Variants in FBRSL1 observed in about 807,000 individuals in gnomAD.
The protein encoded by FBRSL1 is fibrosin-1-like protein.
Under a neutral mutation model 89.6 loss-of-function variants are expected in FBRSL1, and 51 were observed. That is an observed-to-expected ratio of 0.57 (90% CI 0.45 to 0.72). FBRSL1 has a LOEUF of 0.72. FBRSL1 is among the 30% of genes least tolerant of loss of function. The pLI, the probability that FBRSL1 is intolerant of heterozygous loss-of-function variation, is 0.00. For synonymous variants in FBRSL1, 779 were observed against 681.1 expected, an observed-to-expected ratio of 1.14 and a Z score of -2.24; for missense variants, 1,618 against 1,451.8, an observed-to-expected ratio of 1.11 and a Z score of -1.86.
At chr12:132,507,935 C>A (rs1401571857) in intron 1 of FBRSL1, among the ~76,000 whole-genome samples, 3 of 152,280 alleles carry the variant, frequency 2.0e-5, no homozygotes, top group Middle Eastern at 3.4e-3. Context: ...GATGGCTGAG[C>A]CCTGGGAAAC....
Position 132,544,937 on chromosome 12 carries a change from T to C in FBRSL1, c.616-3066T>C, listed in dbSNP as rs541451165. ...ACTGACTATATATCAAGCACTGCCT[T>C]AGTGCTTTGCACATATTCACTTATT... On this transcript the variant is annotated intron_variant, in intron 4 of 18. Coordinates refer to ENST00000680143, the MANE Select transcript of FBRSL1 (RefSeq NM_001367871.1). 3.3e-5 allele frequency among the ~76,000 whole-genome samples: 5 copies of C among 152,330 alleles called. No homozygotes were observed. The East Asian group carries it at 7.7e-4, about 23-fold the overall frequency.
chr12:132,559,990 G>C (rs2137598341), intron 5 of FBRSL1: 1 of 147,940 alleles, frequency 6.8e-6, no homozygotes, highest in South Asian at 1.8e-4. Context: ...GCCGCCTCGG[G>C]GCCCGCGCCG....
At chr12:132,501,868 C>T (rs1160980992) in intron 1 of FBRSL1, among the ~76,000 whole-genome samples, 1 of 152,250 alleles carries the variant, frequency 6.6e-6, no homozygotes, top group East Asian at 1.9e-4. Flanking sequence ...GCCCAGATCT[C>T]TGCTCACAGG....
intron 1 of FBRSL1, among the ~76,000 whole-genome samples, chr12:132,501,707 CA>C (rs1476747696): frequency 2.6e-5 from 4 of 152,198 alleles, no homozygotes; most frequent in Non-Finnish European, 5.9e-5. Context: ...GGGGCCAGGA[CA>C]GGGGCCTCTG....
rs1304843709 is a variant in FBRSL1 at position 132,582,121 on chromosome 12, C to T, written c.2056C>T (p.Pro686Ser). 6.5e-7 allele frequency: 1 copy of T among 1,549,944 alleles called. No homozygotes were observed. Among genetic ancestry groups the T allele is most frequent in the East Asian group, 2.4e-5 (1 of 40,904 alleles). Residue 686 changes from proline to serine, a missense_variant, in exon 18 of 19, where the codon CCC becomes TCC. Pro to Ser is a moderately conservative substitution (Grantham distance 74, BLOSUM62 -1). Coordinates refer to ENST00000680143, the MANE Select transcript of FBRSL1 (RefSeq NM_001367871.1). ...EGSSVHGLPS[P>S]HEAWNRLHRA... Reference sequence around the variant, plus strand: ...CTCCTCCGTGCACGGCCTGCCCAGCCCCCATGAGGCCTGGAACCGACTGCA... The same window carrying T: ...CTCCTCCGTGCACGGCCTGCCCAGCTCCCATGAGGCCTGGAACCGACTGCA...
At chr12:132,506,481 A>G (rs1431929912) in intron 1 of FBRSL1, among the ~76,000 whole-genome samples, 1 of 152,212 alleles carries the variant, frequency 6.6e-6, no homozygotes, top group Non-Finnish European at 1.5e-5. Context: ...CTCTTTGCCC[A>G]GTAGAAAGAC....
At chr12:132,502,542 C>G (rs2033118874) in intron 1 of FBRSL1, among the ~76,000 whole-genome samples, 1 of 152,156 alleles carries the variant, frequency 6.6e-6, no homozygotes, top group Admixed American at 6.5e-5. Flanking sequence ...CCCAGTCGGG[C>G]TGGTCAGAGG....
At chr12:132,578,366 C>CACACACACACACACACACAA (rs1257586074) in intron 15 of FBRSL1, among the ~76,000 whole-genome samples, 1 of 151,936 alleles carries the variant, frequency 6.6e-6, no homozygotes, top group Non-Finnish European at 1.5e-5. Context: ...CACACACACA[C>CACACACACACACACACACAA]AAAATCATAG....
At chr12:132,518,778 C>G (rs2035083644) in intron 2 of FBRSL1, among the ~76,000 whole-genome samples, 1 of 151,590 alleles carries the variant, frequency 6.6e-6, no homozygotes, top group South Asian at 2.1e-4. Context: ...ATCCATCCAC[C>G]CATCTACCTG....
intron 4 of FBRSL1, among the ~76,000 whole-genome samples, chr12:132,541,555 G>C (rs1049840706): frequency 6.6e-6 from 1 of 152,244 alleles, no homozygotes; most frequent in Non-Finnish European, 1.5e-5. Flanking sequence ...GTGGAGCCTG[G>C]GCTAAGCCCA....
chr12:132,576,714 A>G, intron 14 of FBRSL1, 85 bp from the exon 15 acceptor site: 1 of 1,460,632 alleles, frequency 6.8e-7, no homozygotes, highest in East Asian at 2.5e-5. Context: ...GCTCACACCC[A>G]GTCCCTGTGG....
intron 5 of FBRSL1, 22 bp from the exon 6 acceptor site, chr12:132,567,459 G>C (rs770584383): frequency 1.3e-6 from 2 of 1,551,018 alleles, no homozygotes; most frequent in Non-Finnish European, 1.7e-6. Flanking sequence ...GACTGCCCCT[G>C]ACCCCCCTTC....
chr12:132,518,348 TTCA>T (rs1261751316), intron 2 of FBRSL1, among the ~76,000 whole-genome samples: 3 of 149,944 alleles, frequency 2.0e-5, no homozygotes, highest in Non-Finnish European at 4.4e-5. Flanking sequence ...CACCCACGCA[TTCA>T]TCATCCACTC....
intron 4 of FBRSL1, among the ~76,000 whole-genome samples, chr12:132,538,689 T>C (rs1243748435): frequency 6.6e-6 from 1 of 152,230 alleles, no homozygotes; most frequent in African/African-American, 2.4e-5. Flanking sequence ...CACCTGCAGC[T>C]CCTGGAGGCT....
intron 15 of FBRSL1, chr12:132,581,158 C>T: frequency 3.0e-6 from 3 of 985,224 alleles, no homozygotes; most frequent in African/African-American, 1.7e-5. Context: ...AAGTTGCAGC[C>T]CCTTTGCTCC....
chr12:132,564,451 C>CTCCT (rs1566211382), intron 5 of FBRSL1, among the ~76,000 whole-genome samples: 10 of 98,548 alleles, frequency 1.0e-4, no homozygotes, highest in African/African-American at 6.6e-4. Context: ...GGGCTGGCTA[C>CTCCT]GCCTGGTGAG....
chr12:132,539,263 G>A (rs902879320), intron 4 of FBRSL1, among the ~76,000 whole-genome samples: 5 of 152,076 alleles, frequency 3.3e-5, no homozygotes, highest in Non-Finnish European at 7.4e-5. Flanking sequence ...AGAGGGAGGA[G>A]CTGGCCGTCA....
chr12:132,557,453 G>A (rs1222048704), intron 5 of FBRSL1, among the ~76,000 whole-genome samples: 7 of 152,206 alleles, frequency 4.6e-5, no homozygotes, highest in Admixed American at 3.9e-4. Flanking sequence ...TCTGAGTCTA[G>A]TTTCACCCCC....
At chr12:132,525,692 G>A (rs768789150) in intron 2 of FBRSL1, 42 bp from the exon 3 acceptor site, 4 of 1,495,322 alleles carry the variant, frequency 2.7e-6, no homozygotes, top group African/African-American at 1.4e-5. Context: ...CGGACGCGGT[G>A]AGGTGGGGGT....
Sources: allele counts gnomAD v4.1 joint callset (sites outside exome capture counted in the v4.1 genomes callset), GRCh38; gene constraint gnomAD v4.1.1; transcripts MANE v1.5; gene names NCBI Gene and HGNC (gene_info 2026-07-23, HGNC 2026-07-21).